VAPA: variants seen among roughly 807,000 people sequenced by gnomAD.
The protein encoded by VAPA is vesicle-associated membrane protein-associated protein A.
A neutral mutation model predicts 25.6 loss-of-function variants in VAPA; 6 were observed. The observed-to-expected ratio is 0.23, with a 90% CI of 0.13 to 0.46. VAPA has a LOEUF of 0.46. Ranked by LOEUF, VAPA falls within the 20% of genes least tolerant of loss-of-function variation. The probability of loss-of-function intolerance (pLI) is 0.99; values close to 1 mark genes in which losing one functional copy is unlikely to be tolerated. For missense variants in VAPA, 244 were observed against 302.1 expected (o/e 0.81, Z 1.43); for synonymous variants, 112 against 106.2 (o/e 1.05, Z -0.34).
At chr18:9,952,402 A>G (rs751256686) in intron 5 of VAPA, among the ~76,000 whole-genome samples, 9 of 151,968 alleles carry the variant, frequency 5.9e-5, no homozygotes, top group Non-Finnish European at 1.0e-4. Context: ...CCCCGTCTCT[A>G]TTAAAAATAC....
chr18:9,916,119 CCA>C (rs1196175305), intron 1 of VAPA, among the ~76,000 whole-genome samples: 1 of 152,078 alleles, frequency 6.6e-6, no homozygotes. Context: ...CAGGAAATGT[CCA>C]CAGAGTTTGA....
At chr18:9,916,096 A>G (rs1168611445) in intron 1 of VAPA, among the ~76,000 whole-genome samples, 3 of 152,178 alleles carry the variant, frequency 2.0e-5, no homozygotes, top group Admixed American at 6.5e-5. Flanking sequence ...AGCCTTTACA[A>G]CCAGTTTTAG....
chr18:9,946,499 A>AGTTAGT (rs768014677), intron 4 of VAPA, among the ~76,000 whole-genome samples: 1 of 149,636 alleles, frequency 6.7e-6, no homozygotes, highest in African/African-American at 2.5e-5. Context: ...ATAGCTCATT[A>AGTTAGT]GTTAGTGTTA....
intron 2 of VAPA, among the ~76,000 whole-genome samples, chr18:9,934,452 G>T (rs760210250): frequency 2.6e-5 from 4 of 152,176 alleles, no homozygotes; most frequent in Non-Finnish European, 4.4e-5. Flanking sequence ...TTTAGCTTAA[G>T]CTGTATTCTG....
At chr18:9,936,308 A>G (rs2069309559) in intron 3 of VAPA, 95 bp downstream of exon 3, 1 of 774,682 alleles carries the variant, frequency 1.3e-6, no homozygotes. Context: ...TAAAAACTAA[A>G]AGTTAAATTT....
At chr18:9,926,314 G>C (rs2069199815) in intron 1 of VAPA, among the ~76,000 whole-genome samples, 2 of 152,244 alleles carry the variant, frequency 1.3e-5, no homozygotes, top group South Asian at 4.1e-4. Context: ...GCTAAAACCT[G>C]TTAGAAACAT....
intron 4 of VAPA, chr18:9,948,287 G>C (rs1358009276): frequency 6.6e-6 from 1 of 152,084 alleles, no homozygotes; most frequent in African/African-American, 2.4e-5. Context: ...CTATGGACAT[G>C]TTATTTAAAA....
intron 1 of VAPA, among the ~76,000 whole-genome samples, chr18:9,930,974 A>G (rs761979446): frequency 6.6e-6 from 1 of 152,158 alleles, no homozygotes; most frequent in African/African-American, 2.4e-5. Flanking sequence ...AAATAAAGAA[A>G]AGAGAGCCTT....
chr18:9,930,719 G>T, intron 1 of VAPA, among the ~76,000 whole-genome samples: 2 of 151,216 alleles, frequency 1.3e-5, no homozygotes, highest in Non-Finnish European at 1.5e-5. Context: ...ATGCAGACCT[G>T]TTAGTTATAT....
intron 4 of VAPA, among the ~76,000 whole-genome samples, chr18:9,946,152 A>G (rs1295365917): frequency 6.6e-6 from 1 of 152,218 alleles, no homozygotes; most frequent in Non-Finnish European, 1.5e-5. Context: ...TCTGATGGTT[A>G]AAAAAGAATA....
chr18:9,928,866 T>G (rs1457746447), intron 1 of VAPA, among the ~76,000 whole-genome samples: 1 of 152,106 alleles, frequency 6.6e-6, no homozygotes, highest in Non-Finnish European at 1.5e-5. Context: ...TTAAGGTGAG[T>G]AAGTTTGGAT....
At chr18:9,952,355 T>G (rs1020919418) in intron 5 of VAPA, among the ~76,000 whole-genome samples, 1 of 151,778 alleles carries the variant, frequency 6.6e-6, no homozygotes, top group Non-Finnish European at 1.5e-5. Flanking sequence ...TCACCTGAGG[T>G]CAGGAGTTCC....
At position 9,958,518 on chromosome 18, in the gene VAPA, T is replaced by TAA. The variant is rs1027853855; in HGVS notation, c.*4310_*4311dup. On this transcript the variant is annotated 3_prime_UTR_variant, in exon 6 of 6. Transcript: ENST00000400000. The stretch of plus-strand genomic sequence containing the variant: ...TTAACTCATGATGAGCTTAGGAACA[T>TAA]AAAAGATAATTGTTGCTTGAATAGC... 47 of 152,302 alleles carry TAA rather than the reference T, an allele frequency of 3.1e-4. No individual in the cohort carries two copies. The East Asian group carries it at 5.2e-3, about 17-fold the overall frequency. 9.4% of individuals were successfully genotyped at this position (152,302 alleles called of 1,614,324 possible). A position where few individuals can be genotyped will look rare whatever the true frequency, so the allele number is the denominator to read the frequency against.
intron 2 of VAPA, among the ~76,000 whole-genome samples, chr18:9,932,446 CTTTATT>C (rs1010009680): frequency 6.6e-6 from 1 of 152,120 alleles, no homozygotes; most frequent in Non-Finnish European, 1.5e-5. Context: ...TGTGTGAAAA[CTTTATT>C]TTTATTTTAC....
At chr18:9,943,983 CT>C (rs2069394571) in intron 4 of VAPA, among the ~76,000 whole-genome samples, 1 of 150,156 alleles carries the variant, frequency 6.7e-6, no homozygotes, top group African/African-American at 2.4e-5. Flanking sequence ...GCCTCAGCCT[CT>C]CCGAGTAGCT....
At chr18:9,928,625 A>T (rs1411695421) in intron 1 of VAPA, among the ~76,000 whole-genome samples, 1 of 152,174 alleles carries the variant, frequency 6.6e-6, no homozygotes, top group Admixed American at 6.6e-5. Context: ...TGCTATTGCT[A>T]TCCTGAAATG....
intron 1 of VAPA, among the ~76,000 whole-genome samples, chr18:9,929,566 G>C (rs548518428): frequency 1.3e-5 from 2 of 152,202 alleles, no homozygotes; most frequent in African/African-American, 2.4e-5. Flanking sequence ...TTATGAGGTG[G>C]GATATGGCTT....
intron 2 of VAPA, among the ~76,000 whole-genome samples, chr18:9,935,741 C>T (rs535437668): frequency 2.0e-5 from 3 of 152,240 alleles, no homozygotes; most frequent in Non-Finnish European, 4.4e-5. Context: ...TTATAGTTAA[C>T]GTTGGCAAAG....
chr18:9,924,479 A>G (rs935885755), intron 1 of VAPA, among the ~76,000 whole-genome samples: 13 of 152,180 alleles, frequency 8.5e-5, no homozygotes, highest in Non-Finnish European at 1.8e-4. Context: ...AAAGTGTTCC[A>G]CTTCTGTGTT....
Sources: allele counts gnomAD v4.1 joint callset (sites outside exome capture counted in the v4.1 genomes callset), GRCh38; gene constraint gnomAD v4.1.1; transcripts MANE v1.5; gene names NCBI Gene and HGNC (gene_info 2026-07-23, HGNC 2026-07-21).